The following CFAP77 variants were observed in gnomAD, a reference collection of about 807,000 sequenced individuals.
CFAP77 encodes the protein cilia- and flagella-associated protein 77.
Under a neutral mutation model 31.1 loss-of-function variants are expected in CFAP77, and 25 were observed. The ratio of observed to expected loss-of-function variants is 0.80; its 90% CI spans 0.59 to 1.12. The LOEUF is 1.12. Ranked by LOEUF, CFAP77 falls within the 50% of genes most tolerant of loss-of-function variation. The pLI, the probability that CFAP77 is intolerant of heterozygous loss-of-function variation, is 0.00. For synonymous variants in CFAP77, 151 were observed against 159.9 expected (o/e 0.94, Z 0.42); for missense variants, 377 against 397.3 (o/e 0.95, Z 0.44).
intron 4 of CFAP77, 24 bp from the exon 5 acceptor site, chr9:132,542,922 C>G (rs1852670034): frequency 1.2e-5 from 19 of 1,592,686 alleles, no homozygotes; most frequent in Non-Finnish European, 1.6e-5. Context: ...AACCATCTCA[C>G]CTTTGCCTTT....
intron 1 of CFAP77, among the ~76,000 whole-genome samples, chr9:132,439,774 G>A (rs1213019107): frequency 2.6e-5 from 4 of 151,426 alleles, no homozygotes; most frequent in Non-Finnish European, 5.9e-5. Context: ...GCGTGAACCC[G>A]GGAGGCGGAG....
intron 5 of CFAP77, among the ~76,000 whole-genome samples, chr9:132,550,670 G>A (rs185115593): frequency 2.0e-4 from 30 of 151,908 alleles, no homozygotes; most frequent in Admixed American, 1.6e-3. Context: ...GACTACAGGC[G>A]TGCAGCTAAT....
At chr9:132,421,932 CA>C (rs1850222955) in intron 1 of CFAP77, among the ~76,000 whole-genome samples, 2 of 152,172 alleles carry the variant, frequency 1.3e-5, no homozygotes, top group South Asian at 4.1e-4. Context: ...TGACCATTTG[CA>C]AAATGTTTAT....
At chr9:132,510,439 G>A (rs1288931808) in intron 3 of CFAP77, among the ~76,000 whole-genome samples, 2 of 152,230 alleles carry the variant, frequency 1.3e-5, no homozygotes, top group Admixed American at 6.5e-5. Context: ...CTGCTAGGGT[G>A]AGGTTGGTTT....
chr9:132,556,606 G>A (rs1852909492), intron 5 of CFAP77, among the ~76,000 whole-genome samples: 1 of 152,194 alleles, frequency 6.6e-6, no homozygotes, highest in Non-Finnish European at 1.5e-5. Context: ...TCACACAGAG[G>A]GAGAGGGGGG....
Position 132,537,585 on chromosome 9 carries a change from G to T in CFAP77, c.525-16G>T. 6.2e-7 allele frequency: 1 copy of T among 1,601,210 alleles called. No individual in the cohort carries two copies. Among genetic ancestry groups the T allele is most frequent in the East Asian group, 2.2e-5 (1 of 44,634 alleles). ...TTTCCGGGGCCTCAAGCTCTGTCTG[G>T]ACTTCTTCCCTCCAGGCCTTCCACA... On this transcript the variant is annotated splice_polypyrimidine_tract_variant and intron_variant, in intron 3 of 5. Coordinates refer to ENST00000393216, the MANE Select transcript of CFAP77 (RefSeq NM_001282957.2).
At chr9:132,453,938 C>T (rs79821192) in intron 1 of CFAP77, among the ~76,000 whole-genome samples, 10 of 152,264 alleles carry the variant, frequency 6.6e-5, no homozygotes, top group Non-Finnish European at 1.0e-4. Context: ...AATTTATCAG[C>T]GTGTGTATTT....
chr9:132,498,274 T>C lies in CFAP77; in HGVS notation c.196-421T>C. 6.6e-6 allele frequency among the ~76,000 whole-genome samples: 1 copy of C among 152,206 alleles called. No homozygotes were observed. The highest frequency in any genetic ancestry group is 1.9e-4 in the East Asian group (1 of 5,184). ...GTCCCTGGTATGAGGAAGGTGGGAA[T>C]GAAGGTAGGAAAGATGTCTCCTTCC... On this transcript the variant is annotated intron_variant, in intron 1 of 5. Coordinates refer to ENST00000393216, the MANE Select transcript of CFAP77 (RefSeq NM_001282957.2). The surrounding 1 kb of genome is among the most constrained non-coding windows in gnomAD (Gnocchi z 4.2).
At chr9:132,432,473 T>C (rs1850426957) in intron 1 of CFAP77, among the ~76,000 whole-genome samples, 1 of 151,882 alleles carries the variant, frequency 6.6e-6, no homozygotes, top group African/African-American at 2.4e-5. Context: ...CCCCTCCTTC[T>C]GCTGCTTGCT....
At chr9:132,489,223 TA>T (rs1231963501) in intron 1 of CFAP77, among the ~76,000 whole-genome samples, 1 of 152,140 alleles carries the variant, frequency 6.6e-6, no homozygotes, top group Non-Finnish European at 1.5e-5. Context: ...TGAGATGTCC[TA>T]AAAATTCAGA....
At chr9:132,525,465 A>G (rs186286086) in intron 3 of CFAP77, among the ~76,000 whole-genome samples, 196 of 152,346 alleles carry the variant, frequency 1.3e-3, no homozygotes, top group African/African-American at 4.6e-3. Flanking sequence ...GAAAGTTTGT[A>G]CAGAGAAAAC....
intron 3 of CFAP77, among the ~76,000 whole-genome samples, chr9:132,534,669 G>A (rs532030143): frequency 6.6e-6 from 1 of 151,068 alleles, no homozygotes; most frequent in South Asian, 2.1e-4. Flanking sequence ...ACCCCAGGAT[G>A]CAGTTTGTAC....
chr9:132,561,972 G>A (rs1438243010), intron 5 of CFAP77, among the ~76,000 whole-genome samples: 2 of 152,170 alleles, frequency 1.3e-5, no homozygotes, highest in African/African-American at 4.8e-5. Flanking sequence ...TCCAGGTAGA[G>A]CCTCTGCGTC....
At position 132,509,567 on chromosome 9, in the gene CFAP77, G is replaced by A. The variant is rs187778284; in HGVS notation, c.524+9967G>A. 8.9e-4 allele frequency among the ~76,000 whole-genome samples: 136 copies of A among 152,298 alleles called. 1 individual carries two copies. The highest frequency in any genetic ancestry group is 3.0e-3 in the African/African-American group (126 of 41,554). ...GTAGATCACTTGAGGTCAGGAGTTC[G>A]AGACCAGCCTGGGCAACATGATGAA... is the stretch of plus-strand genomic sequence containing the variant. On this transcript the variant is annotated intron_variant, in intron 3 of 5. Coordinates refer to ENST00000393216, the MANE Select transcript of CFAP77 (RefSeq NM_001282957.2).
chr9:132,547,385 G>A (rs921431499), intron 5 of CFAP77, among the ~76,000 whole-genome samples: 1 of 152,228 alleles, frequency 6.6e-6, no homozygotes, highest in African/African-American at 2.4e-5. Context: ...TGTGCACCAC[G>A]CTCAGCAGAA....
chr9:132,450,099 T>A (rs926855982), intron 1 of CFAP77, among the ~76,000 whole-genome samples: 4 of 152,024 alleles, frequency 2.6e-5, no homozygotes, highest in Admixed American at 2.0e-4. Flanking sequence ...CCCGGCTAAT[T>A]TTTTGTATTT....
chr9:132,479,063 G>A (rs961627168), intron 1 of CFAP77, among the ~76,000 whole-genome samples: 1 of 152,018 alleles, frequency 6.6e-6, no homozygotes, highest in Non-Finnish European at 1.5e-5. Context: ...TACAATAATG[G>A]GTATTCTCAC....
chr9:132,448,298 G>A (rs1282639934), intron 1 of CFAP77, among the ~76,000 whole-genome samples: 1 of 152,166 alleles, frequency 6.6e-6, no homozygotes, highest in Non-Finnish European at 1.5e-5. Flanking sequence ...AGAATGGAAT[G>A]ACTCTCACAT....
intron 1 of CFAP77, among the ~76,000 whole-genome samples, chr9:132,478,753 A>C (rs1210007303): frequency 2.0e-5 from 3 of 152,222 alleles, no homozygotes; most frequent in Non-Finnish European, 4.4e-5. Flanking sequence ...AAAATGATGG[A>C]GTTCATTTGC....
Sources: gnomAD v4.1 joint callset for allele counts (sites outside exome capture counted in the v4.1 genomes callset) on GRCh38, gnomAD v4.1.1 for gene constraint, Gnocchi (gnomAD v3.1) non-coding constraint, MANE v1.5 for transcripts, NCBI Gene and HGNC (gene_info 2026-07-23, HGNC 2026-07-21) for gene names.